The following SIRPA variants were observed in gnomAD, a reference collection of about 807,000 sequenced individuals.
The protein encoded by SIRPA is signal regulatory protein alpha.
Under a neutral mutation model 50.3 loss-of-function variants are expected in SIRPA, and 9 were observed. That is an observed-to-expected ratio of 0.18 (90% CI 0.11 to 0.31). The LOEUF (loss-of-function observed/expected upper bound fraction) is 0.31, where lower values mean the gene tolerates loss of function less well. Among genes scored for constraint, SIRPA ranks in the 10% least tolerant of loss-of-function variants. SIRPA has a pLI of 1.00. For synonymous variants in SIRPA, 265 were observed against 284.1 expected, an observed-to-expected ratio of 0.93 and a Z score of 0.68; for missense variants, 474 against 661.6, an observed-to-expected ratio of 0.72 and a Z score of 3.11.
chr20:1,929,259 G>C (rs530731824), intron 6 of SIRPA, among the ~76,000 whole-genome samples: 190 of 152,158 alleles, frequency 1.2e-3, no homozygotes, highest in African/African-American at 4.1e-3. Flanking sequence ...AGGAGGTGAG[G>C]ATGTGTAGGT....
rs77985665 is a variant in SIRPA at position 1,933,319 on chromosome 20, G to A, written c.1227-1396G>A. Among the ~76,000 whole-genome samples the A allele has an allele frequency of 2.0e-5, 3 of 152,092 alleles. 1 individual carries two copies. The highest frequency in any genetic ancestry group is 4.4e-5 in the Non-Finnish European group (3 of 68,024). ...CCATAGTTGAGTCTTGAAGGAAACA[G>A]GAAAGTTAGCCAAGAGGAAAAATGA... On this transcript the variant is annotated intron_variant, in intron 6 of 7. Transcript: ENST00000358771. This position sits in a 1 kb window ranked among gnomAD's most constrained non-coding sequence, Gnocchi z 4.4.
chr20:1,914,788 C>G (rs1185654711), intron 1 of SIRPA, among the ~76,000 whole-genome samples: 1 of 151,488 alleles, frequency 6.6e-6, no homozygotes, highest in Non-Finnish European at 1.5e-5. Flanking sequence ...TCTGGAATAC[C>G]AGGCTCCCTT....
chr20:1,917,818 T>C (rs575299100), intron 2 of SIRPA, among the ~76,000 whole-genome samples: 9 of 152,190 alleles, frequency 5.9e-5, no homozygotes, highest in African/African-American at 2.2e-4. Flanking sequence ...CCTCAGGCTG[T>C]CAGGAGCCCA....
rs779634840 is a variant in SIRPA at position 1,934,717 on chromosome 20, TGCATGA to T, written c.1232_1237del (p.His411_Glu412del). 6.2e-7 allele frequency: 1 copy of T among 1,614,154 alleles called. No individual in the cohort carries two copies. Among genetic ancestry groups the T allele is most frequent in the Non-Finnish European group, 8.5e-7 (1 of 1,180,012 alleles). ...CTGTGTGTCTCTTTCCTTTTTAGGT[TGCATGA>T]GCCCGAGAAGAATGCCAGAGAAATA... On this transcript the variant is annotated inframe_deletion, in exon 7 of 8. Transcript: ENST00000358771. The surrounding 1 kb of genome is among the most constrained non-coding windows in gnomAD (Gnocchi z 4.6).
Position 1,938,647 on chromosome 20 carries a change from G to T in SIRPA, c.*1079G>T, listed in dbSNP as rs1292526811. ...CCTGGAGACACAGCCTTCTGGCTGG[G>T]ACTGACTTGGCCATGTTCTCAGCTG... On this transcript the variant is annotated 3_prime_UTR_variant, in exon 8 of 8. Transcript: ENST00000358771. The T allele has an allele frequency of 6.5e-6, 1 of 152,692 alleles. No homozygotes were observed. Among genetic ancestry groups the T allele is most frequent in the Non-Finnish European group, 1.5e-5 (1 of 68,074 alleles). 9.5% of individuals were successfully genotyped at this position (152,692 alleles called of 1,614,324 possible). A position where few individuals can be genotyped will look rare whatever the true frequency, so the allele number is the denominator to read the frequency against.
At position 1,937,604 on chromosome 20, in the gene SIRPA, GCGCTTTCTTGTCCCACAGGGAGC is replaced by G. The variant is rs1986665441; in HGVS notation, c.*40_*62del. 2 of 1,602,624 alleles carry G rather than the reference GCGCTTTCTTGTCCCACAGGGAGC, an allele frequency of 1.2e-6. No individual in the cohort carries two copies. The highest frequency in any genetic ancestry group is 2.7e-5 in the African/African-American group (2 of 74,700). On this transcript the variant is annotated 3_prime_UTR_variant, in exon 8 of 8. Coordinates refer to ENST00000358771, the MANE Select transcript of SIRPA (RefSeq NM_001040023.2). This position sits in a 1 kb window ranked among gnomAD's most constrained non-coding sequence, Gnocchi z 8.3. Reference sequence around the variant, plus strand: ...GGTTTGCTCTAGCACCCATCTCTACGCGCTTTCTTGTCCCACAGGGAGCCGCCGTGATGAGCACAGCCAACCCA... The same window carrying G: ...GGTTTGCTCTAGCACCCATCTCTACGCGCCGTGATGAGCACAGCCAACCCA...
At chr20:1,911,704 T>C (rs1161981589) in intron 1 of SIRPA, among the ~76,000 whole-genome samples, 5 of 152,196 alleles carry the variant, frequency 3.3e-5, no homozygotes, top group Non-Finnish European at 5.9e-5. Context: ...CCTGCCAAGC[T>C]GCTTTCCCGA....
rs1447714376 is a variant in SIRPA, at chr20:1,936,682, C to T, written c.1267-638C>T. ...ATGGATCAGACTTCTTATGTGCCAG[C>T]CTTGGTTTCTGAATCATAACAAATG... is the stretch of plus-strand genomic sequence containing the variant. On this transcript the variant is annotated intron_variant, in intron 7 of 7. Transcript: ENST00000358771. This position sits in a 1 kb window ranked among gnomAD's most constrained non-coding sequence, Gnocchi z 4.2. Among the ~76,000 whole-genome samples the T allele has an allele frequency of 6.6e-6, 1 of 152,206 alleles. No homozygotes were observed. The highest frequency in any genetic ancestry group is 1.9e-4 in the East Asian group (1 of 5,202).
chr20:1,900,991 T>C (rs1984158686), intron 1 of SIRPA, among the ~76,000 whole-genome samples: 1 of 152,138 alleles, frequency 6.6e-6, no homozygotes, highest in Non-Finnish European at 1.5e-5. Context: ...CAGATGTGGA[T>C]AACCACTGTC....
chr20:1,895,356 G>T (rs932684716), upstream of SIRPA: 9 of 753,452 alleles, frequency 1.2e-5, no homozygotes, highest in Non-Finnish European at 1.7e-5. Flanking sequence ...GGGGGGAAGG[G>T]GGGGAGCCTT....
chr20:1,895,826 G>T (rs550210998), intron 1 of SIRPA, among the ~76,000 whole-genome samples: 38 of 152,318 alleles, frequency 2.5e-4, no homozygotes, highest in Non-Finnish European at 4.3e-4. Flanking sequence ...GCCCCTGCCC[G>T]GTCCAATGGG....
Position 1,927,928 on chromosome 20 carries a change from T to G in SIRPA, c.1226+29T>G, listed in dbSNP as rs369004802. On this transcript the variant is annotated intron_variant, in intron 6 of 7. Coordinates refer to ENST00000358771, the MANE Select transcript of SIRPA (RefSeq NM_001040023.2). The surrounding 1 kb of genome is among the most constrained non-coding windows in gnomAD (Gnocchi z 6.5). ...AGTGCATCATTGGTCCAGACCCTCT[T>G]GCAGTTATTATTTGGTTATTTGACA... 19 of 1,605,434 alleles carry G rather than the reference T, an allele frequency of 1.2e-5. No individual in the cohort carries two copies. The highest frequency in any genetic ancestry group is 1.5e-5 in the Non-Finnish European group (18 of 1,172,058).
At chr20:1,914,044 T>C (rs55797358) in intron 1 of SIRPA, among the ~76,000 whole-genome samples, 1 of 151,682 alleles carries the variant, frequency 6.6e-6, no homozygotes, top group Non-Finnish European at 1.5e-5. Context: ...CCCATCACAG[T>C]GAGGCCTGGA....
In SIRPA at chr20:1,933,253, A is replaced by G. The variant is rs1218102977; in HGVS notation, c.1227-1462A>G. 4.6e-5 allele frequency among the ~76,000 whole-genome samples: 7 copies of G among 152,250 alleles called. No individual in the cohort carries two copies. Among genetic ancestry groups the G allele is most frequent in the Non-Finnish European group, 1.5e-5 (1 of 68,044 alleles). ...TGAGATTGTCATGGAGGGGCAGCCC[A>G]GCCAGCGCAGCACTGTCAGCAGAGC... On this transcript the variant is annotated intron_variant, in intron 6 of 7. Transcript: ENST00000358771. This position sits in a 1 kb window ranked among gnomAD's most constrained non-coding sequence, Gnocchi z 4.4.
At chr20:1,897,662 A>T (rs1983911249) in intron 1 of SIRPA, among the ~76,000 whole-genome samples, 1 of 151,928 alleles carries the variant, frequency 6.6e-6, no homozygotes, top group African/African-American at 2.4e-5. Flanking sequence ...GGATTGAATG[A>T]CTACTAGTGT....
chr20:1,935,312 AC>A (rs1986516149), intron 7 of SIRPA, among the ~76,000 whole-genome samples: 1 of 152,198 alleles, frequency 6.6e-6, no homozygotes, highest in Admixed American at 6.5e-5. Context: ...TTTCTGAGAA[AC>A]CTAGCCCTGC....
Position 1,924,599 on chromosome 20 carries a change from G to C in SIRPA, c.1088-165G>C, listed in dbSNP as rs1389111420. Among the ~76,000 whole-genome samples, 3 of 152,226 alleles carry C rather than the reference G, an allele frequency of 2.0e-5. No homozygotes were observed. Among genetic ancestry groups the C allele is most frequent in the African/African-American group, 7.2e-5 (3 of 41,452 alleles). ...GTTCATGGATGAGTCTCGTGGGCAA[G>C]TGTGTACAGACCCATGAGTGTGCCC... On this transcript the variant is annotated intron_variant, in intron 4 of 7. Coordinates refer to ENST00000358771, the MANE Select transcript of SIRPA (RefSeq NM_001040023.2). This position sits in a 1 kb window ranked among gnomAD's most constrained non-coding sequence, Gnocchi z 4.5.
rs1378174281 is a variant in SIRPA at position 1,924,231 on chromosome 20, G to A, written c.1088-533G>A. On this transcript the variant is annotated intron_variant, in intron 4 of 7. Coordinates refer to ENST00000358771, the MANE Select transcript of SIRPA (RefSeq NM_001040023.2). This position sits in a 1 kb window ranked among gnomAD's most constrained non-coding sequence, Gnocchi z 4.5. ...AGTCTATGACCCCCTTACCTGTGCT[G>A]TGGGCAGTCAAGCCTCCATTGTATT... is the stretch of plus-strand genomic sequence containing the variant. Among the ~76,000 whole-genome samples, 3 of 152,208 alleles carry A rather than the reference G, an allele frequency of 2.0e-5. No homozygotes were observed. Among genetic ancestry groups the A allele is most frequent in the Non-Finnish European group, 4.4e-5 (3 of 68,040 alleles).
chr20:1,912,143 C>T (rs986344041), intron 1 of SIRPA, among the ~76,000 whole-genome samples: 44 of 152,258 alleles, frequency 2.9e-4, no homozygotes, highest in Admixed American at 4.6e-4. Context: ...GGGGAGCCAG[C>T]GCTACACAAC....
Sources: allele counts gnomAD v4.1 joint callset (sites outside exome capture counted in the v4.1 genomes callset), GRCh38; gene constraint gnomAD v4.1.1; non-coding constraint Gnocchi (gnomAD v3.1); transcripts MANE v1.5; gene names NCBI Gene and HGNC (gene_info 2026-07-23, HGNC 2026-07-21).